Variants in KLF12 observed in about 807,000 individuals in gnomAD.
KLF12 encodes KLF transcription factor 12, also known as Krueppel-like factor 12.
KLF12 carries 9 observed loss-of-function variants against 37.8 expected under a neutral mutation model. The observed-to-expected ratio is 0.24, with a 90% CI of 0.14 to 0.42. The LOEUF (loss-of-function observed/expected upper bound fraction) is 0.42, where lower values mean the gene tolerates loss of function less well. Among genes scored for constraint, KLF12 ranks in the 10% least tolerant of loss-of-function variants. The pLI, the probability that KLF12 is intolerant of heterozygous loss-of-function variation, is 1.00. For missense variants in KLF12, 411 were observed against 516.0 expected (o/e 0.80, Z 1.97); for synonymous variants, 208 against 202.1 (o/e 1.03, Z -0.25).
chr13:73,909,905 A>G (rs1020921247), intron 3 of KLF12, among the ~76,000 whole-genome samples: 2 of 152,156 alleles, frequency 1.3e-5, no homozygotes, highest in African/African-American at 2.4e-5. Context: ...TTTTGTATAT[A>G]ATCACCCTGT....
chr13:74,119,316 A>G (rs1405463630), intron 1 of KLF12, among the ~76,000 whole-genome samples: 1 of 147,542 alleles, frequency 6.8e-6, no homozygotes, highest in Non-Finnish European at 1.5e-5. Flanking sequence ...TGGGTGACAC[A>G]GCGAGACTCT....
At chr13:74,300,025 G>C in the KLF12 span, among the ~76,000 whole-genome samples, 2 of 152,038 alleles carry the variant, frequency 1.3e-5, no homozygotes, top group Non-Finnish European at 2.9e-5. Context: ...TGTATGTAAA[G>C]AGTATCCCTA....
intron 3 of KLF12, among the ~76,000 whole-genome samples, chr13:73,850,867 C>T (rs1885300024): frequency 6.6e-6 from 1 of 152,160 alleles, no homozygotes; most frequent in African/African-American, 2.4e-5. Context: ...AAGTAACTTG[C>T]CTAACATTAC....
At chr13:73,703,196 A>G (rs920576985) in intron 7 of KLF12, among the ~76,000 whole-genome samples, 5 of 152,158 alleles carry the variant, frequency 3.3e-5, no homozygotes, top group Admixed American at 2.6e-4. Flanking sequence ...CACACACTAC[A>G]TACCTGGCAA....
chr13:74,226,496 G>A, the KLF12 span, among the ~76,000 whole-genome samples: 2 of 152,228 alleles, frequency 1.3e-5, 1 homozygote, highest in South Asian at 4.1e-4. Flanking sequence ...CCATTAGGCG[G>A]TACAAAATAT....
At chr13:74,165,175 A>G in the KLF12 span, among the ~76,000 whole-genome samples, 14 of 152,174 alleles carry the variant, frequency 9.2e-5, no homozygotes, top group Non-Finnish European at 2.1e-4. Flanking sequence ...ATAAATATAT[A>G]CACCTTCAGT....
intron 1 of KLF12, among the ~76,000 whole-genome samples, chr13:74,055,775 G>T (rs1476455148): frequency 6.6e-6 from 1 of 152,194 alleles, no homozygotes; most frequent in Non-Finnish European, 1.5e-5. Flanking sequence ...ACACTGAGTT[G>T]TTCTAGCAGC....
At chr13:73,871,318 T>G (rs79117217) in intron 3 of KLF12, among the ~76,000 whole-genome samples, 1,837 of 152,304 alleles carry the variant, frequency 0.012, 32 homozygotes, top group African/African-American at 0.04. Context: ...AGACCTGACT[T>G]CCATCCCTCC....
chr13:73,738,106 T>TACACAC (rs1223436241), intron 6 of KLF12, among the ~76,000 whole-genome samples: 22 of 106,626 alleles, frequency 2.1e-4, no homozygotes, highest in African/African-American at 8.9e-4. Context: ...TATATATATA[T>TACACAC]ATATATATAT....
chr13:73,784,922 C>T (rs1487167058), intron 5 of KLF12, among the ~76,000 whole-genome samples: 1 of 151,956 alleles, frequency 6.6e-6, no homozygotes, highest in Non-Finnish European at 1.5e-5. Context: ...AGGTGTGAGC[C>T]ACTGCGCCCG....
the KLF12 span, among the ~76,000 whole-genome samples, chr13:74,299,974 C>T: frequency 3.3e-5 from 5 of 152,052 alleles, no homozygotes; most frequent in African/African-American, 9.7e-5. Context: ...AAAGTTTTCA[C>T]TTCTCTTTTT....
chr13:73,790,274 G>A (rs1194426261), intron 5 of KLF12, among the ~76,000 whole-genome samples: 1 of 152,114 alleles, frequency 6.6e-6, no homozygotes, highest in Admixed American at 6.5e-5. Context: ...AATGATGTTT[G>A]AATGGTCAAA....
chr13:74,112,243 G>A (rs772731236), intron 1 of KLF12, among the ~76,000 whole-genome samples: 14 of 149,342 alleles, frequency 9.4e-5, no homozygotes, highest in Non-Finnish European at 1.9e-4. Flanking sequence ...ATGCATGACA[G>A]TGACCTTATG....
chr13:74,054,135 C>G (rs756842723), intron 1 of KLF12, among the ~76,000 whole-genome samples: 3 of 152,072 alleles, frequency 2.0e-5, no homozygotes, highest in Non-Finnish European at 4.4e-5. Context: ...ATACTACTCA[C>G]AGTATGAAAA....
chr13:73,884,480 C>T (rs890150813), intron 3 of KLF12, among the ~76,000 whole-genome samples: 12 of 152,186 alleles, frequency 7.9e-5, no homozygotes, highest in African/African-American at 2.9e-4. Context: ...GAACACTGGA[C>T]CCAATGCCAT....
the KLF12 span, among the ~76,000 whole-genome samples, chr13:74,299,808 T>C: frequency 2.6e-5 from 4 of 152,168 alleles, no homozygotes; most frequent in African/African-American, 7.2e-5. Context: ...CAAGTATTAT[T>C]TGGGCCAATG....
the KLF12 span, among the ~76,000 whole-genome samples, chr13:74,215,757 C>T: frequency 1.3e-5 from 2 of 152,240 alleles, no homozygotes; most frequent in Admixed American, 1.3e-4. Context: ...GTCCTCCTCC[C>T]AGAAGACTAT....
chr13:74,153,049 C>T, the KLF12 span, among the ~76,000 whole-genome samples: 1 of 151,818 alleles, frequency 6.6e-6, no homozygotes, highest in African/African-American at 2.4e-5. Flanking sequence ...TAAATGTTTG[C>T]TATGTGCCTG....
intron 3 of KLF12, among the ~76,000 whole-genome samples, chr13:73,892,024 AT>A (rs11305854): frequency 0.22 from 32,543 of 149,268 alleles, 4,260 homozygotes; most frequent in East Asian, 0.55. Context: ...CATTGACAAT[AT>A]TTTTTTTTTT....
Sources: gnomAD v4.1 joint callset for allele counts (sites outside exome capture counted in the v4.1 genomes callset) on GRCh38, gnomAD v4.1.1 for gene constraint, MANE v1.5 for transcripts, NCBI Gene and HGNC (gene_info 2026-07-23, HGNC 2026-07-21) for gene names.